The following CCDC33 variants were observed in gnomAD, a reference collection of about 807,000 sequenced individuals.
CCDC33 encodes coiled-coil domain-containing protein 33.
In CCDC33, 94 loss-of-function variants were observed where a neutral mutation model predicts 91.9. That is an observed-to-expected ratio of 1.02 (90% confidence interval 0.87 to 1.21). CCDC33 has a LOEUF of 1.21. Ranked by LOEUF, CCDC33 falls within the 50% of genes most tolerant of loss-of-function variation. CCDC33 has a pLI of 0.00. For synonymous variants in CCDC33, 396 were observed against 374.5 expected, an observed-to-expected ratio of 1.06 and a Z score of -0.66; for missense variants, 940 against 935.5, an observed-to-expected ratio of 1.00 and a Z score of -0.06.
intron 2 of CCDC33, among the ~76,000 whole-genome samples, chr15:74,250,372 C>T (rs531361378): frequency 6.6e-6 from 1 of 152,296 alleles, no homozygotes; most frequent in South Asian, 2.1e-4. Context: ...ACAGGACCTC[C>T]ACCTCCCTCT....
At chr15:74,242,817 C>T (rs11858661) in intron 1 of CCDC33, among the ~76,000 whole-genome samples, 41,717 of 151,954 alleles carry the variant, frequency 0.27, 6,181 homozygotes, top group East Asian at 0.54. Context: ...CCAGCTCTGC[C>T]GTCTTCTCTG....
chr15:74,307,149 C>T (rs1221708653), intron 11 of CCDC33, among the ~76,000 whole-genome samples: 1 of 152,118 alleles, frequency 6.6e-6, no homozygotes, highest in East Asian at 1.9e-4. Context: ...ATGATGAGGC[C>T]ATAAATTGCT....
At position 74,218,478 on chromosome 15, in the gene CCDC33, C is replaced by A. The variant is rs553491867; in HGVS notation, c.311-19C>A. ...GAGAAACCTGAGACCATCTCTGAGC[C>A]CTGTGTTCCCTCATCCAGGTTTCTG... On this transcript the variant is annotated intron_variant, in intron 1 of 2. Transcript: ENST00000635913. The surrounding 1 kb of genome is among the most constrained non-coding windows in gnomAD (Gnocchi z 4.8). The A allele has an allele frequency of 1.9e-5, 24 of 1,265,672 alleles. No homozygotes were observed. Among genetic ancestry groups the A allele is most frequent in the Non-Finnish European group, 2.4e-5 (23 of 975,994 alleles). The allele number at this position is 1,265,672 out of a possible 1,614,324, so 78.4% of individuals were successfully genotyped here.
chr15:74,266,884 C>A, intron 4 of CCDC33, 97 bp downstream of exon 4: 1 of 823,736 alleles, frequency 1.2e-6, no homozygotes. Context: ...CATCCCACAC[C>A]CACCCACAGC....
intron 11 of CCDC33, among the ~76,000 whole-genome samples, chr15:74,320,995 C>G (rs1020679551): frequency 6.6e-6 from 1 of 152,144 alleles, no homozygotes; most frequent in Non-Finnish European, 1.5e-5. Flanking sequence ...GGCATTGGCC[C>G]GTGTGTTTCT....
At chr15:74,312,401 C>T (rs539182272) in intron 11 of CCDC33, among the ~76,000 whole-genome samples, 2 of 152,110 alleles carry the variant, frequency 1.3e-5, no homozygotes, top group African/African-American at 2.4e-5. Flanking sequence ...AATGAGGCCC[C>T]GTAATTAAGG....
At chr15:74,236,790 CA>C in intron 1 of CCDC33, 50 bp downstream of exon 1, 1 of 1,581,680 alleles carries the variant, frequency 6.3e-7, no homozygotes, top group Non-Finnish European at 8.6e-7. Flanking sequence ...GTCCCTCCTT[CA>C]AAGTCCTTCC....
At chr15:74,206,030 C>T (rs1173302545) in intron 1 of CCDC33, among the ~76,000 whole-genome samples, 5 of 152,188 alleles carry the variant, frequency 3.3e-5, no homozygotes, top group Admixed American at 1.3e-4. Flanking sequence ...GGCTATGTGG[C>T]CTTGAGTGAG....
chr15:74,242,018 G>A (rs994511861), intron 1 of CCDC33, among the ~76,000 whole-genome samples: 5 of 152,234 alleles, frequency 3.3e-5, no homozygotes, highest in African/African-American at 9.6e-5. Context: ...TTGAGGGGGT[G>A]TGTGGCTCCG....
At chr15:74,222,353 C>T (rs2074623496) in intron 2 of CCDC33, among the ~76,000 whole-genome samples, 1 of 152,088 alleles carries the variant, frequency 6.6e-6, no homozygotes, top group African/African-American at 2.4e-5. Context: ...CGCTAGAAGG[C>T]CGGGAACTCC....
chr15:74,290,744 G>A (rs2059570270), intron 10 of CCDC33, among the ~76,000 whole-genome samples: 3 of 152,230 alleles, frequency 2.0e-5, no homozygotes, highest in Non-Finnish European at 4.4e-5. Flanking sequence ...AGTCTAGATT[G>A]TAGAGGACCT....
At chr15:74,278,577 G>A (rs2076510139) in intron 7 of CCDC33, among the ~76,000 whole-genome samples, 1 of 152,210 alleles carries the variant, frequency 6.6e-6, no homozygotes, top group East Asian at 1.9e-4. Context: ...CAGATGCTGG[G>A]CCTCCCCCTG....
intron 2 of CCDC33, among the ~76,000 whole-genome samples, chr15:74,257,902 C>A (rs1183588404): frequency 6.6e-6 from 1 of 152,216 alleles, no homozygotes; most frequent in Non-Finnish European, 1.5e-5. Flanking sequence ...GCAGGCCTAG[C>A]CTATGGCCTG....
chr15:74,214,231 CG>C (rs1367450171), upstream of CCDC33, among the ~76,000 whole-genome samples: 3 of 152,000 alleles, frequency 2.0e-5, no homozygotes, highest in African/African-American at 7.3e-5. Context: ...ACAAAGCCAG[CG>C]GCCTCTGAGT....
At position 74,295,793 on chromosome 15, in the gene CCDC33, C is replaced by T. The variant is rs375321958; in HGVS notation, c.1135C>T (p.Leu379Phe). 5.6e-6 allele frequency: 9 copies of T among 1,613,898 alleles called. No individual in the cohort carries two copies. Among genetic ancestry groups the T allele is most frequent in the Non-Finnish European group, 6.8e-6 (8 of 1,179,994 alleles). Residue 379 changes from leucine (L) to phenylalanine (F), a missense_variant, in exon 11 of 19, where the codon CTT (leucine) becomes TTT (phenylalanine). Coordinates refer to ENST00000398814, the MANE Select transcript of CCDC33 (RefSeq NM_025055.5). Reference protein sequence around the residue: ...NFLTPNNSKALPTLDPKILDK... With the variant: ...NFLTPNNSKAFPTLDPKILDK... ...CTTGACACCAAACAACAGCAAGGCT[C>T]TTCCTACCTTGGACCCCAAGATCCT...
chr15:74,320,215 G>C (rs563709976), intron 11 of CCDC33, among the ~76,000 whole-genome samples: 3 of 152,244 alleles, frequency 2.0e-5, no homozygotes, highest in Non-Finnish European at 4.4e-5. Flanking sequence ...GGTGCAAACA[G>C]GTGGGCCTGC....
intron 12 of CCDC33, 129 bp from the exon 13 acceptor site, chr15:74,330,534 G>A: frequency 9.4e-7 from 1 of 1,068,480 alleles, no homozygotes; most frequent in Non-Finnish European, 1.4e-6. Context: ...TCTCAGGGAT[G>A]GGAAACAGAG....
Position 74,218,424 on chromosome 15 carries a change from C to T in CCDC33, c.311-73C>T, listed in dbSNP as rs1483828205. ...CAGCCCAGGTTTCCCCAGGGCCCTGCCTGTCCTCCTAGTCACCTGGCAGAT... is the reference window on the plus strand; with the variant it reads ...CAGCCCAGGTTTCCCCAGGGCCCTGTCTGTCCTCCTAGTCACCTGGCAGAT... On this transcript the variant is annotated intron_variant, in intron 1 of 2. Coordinates refer to the CCDC33 transcript ENST00000635913. This position sits in a 1 kb window ranked among gnomAD's most constrained non-coding sequence, Gnocchi z 4.8. 1.6e-6 allele frequency: 2 copies of T among 1,220,398 alleles called. No individual in the cohort carries two copies. Among genetic ancestry groups the T allele is most frequent in the Non-Finnish European group, 2.1e-6 (2 of 951,460 alleles). The allele number at this position is 1,220,398 out of a possible 1,614,324, so 75.6% of individuals were successfully genotyped here.
At chr15:74,208,162 T>A in intron 1 of CCDC33, 2 of 719,222 alleles carry the variant, frequency 2.8e-6, no homozygotes, top group Non-Finnish European at 3.7e-6. Context: ...CCCAGAGGGC[T>A]AGGCTAGTAC....
Sources: gnomAD v4.1 joint callset for allele counts (sites outside exome capture counted in the v4.1 genomes callset) on GRCh38, gnomAD v4.1.1 for gene constraint, Gnocchi (gnomAD v3.1) non-coding constraint, MANE v1.5 for transcripts, NCBI Gene and HGNC (gene_info 2026-07-23, HGNC 2026-07-21) for gene names.